The following SDCCAG8 variants were observed in gnomAD, a reference collection of about 807,000 sequenced individuals.
SDCCAG8 encodes the protein SHH signaling and ciliogenesis regulator SDCCAG8, also known as serologically defined colon cancer antigen 8.
In SDCCAG8, 74 loss-of-function variants were observed where a neutral mutation model predicts 101.8. That is an observed-to-expected ratio of 0.73 (90% CI 0.60 to 0.88). SDCCAG8 has a LOEUF of 0.88. SDCCAG8 is among the 40% of genes least tolerant of loss of function. The pLI is 0.00. For missense variants in SDCCAG8, 787 were observed against 822.6 expected (o/e 0.96, Z 0.53); for synonymous variants, 281 against 292.9 (o/e 0.96, Z 0.41).
intron 15 of SDCCAG8, among the ~76,000 whole-genome samples, chr1:243,425,683 G>T (rs2081293647): frequency 6.6e-6 from 1 of 152,126 alleles, no homozygotes; most frequent in Admixed American, 6.6e-5. Flanking sequence ...CTTAATACAA[G>T]GAAAGGAATA....
rs146987857 is a variant in SDCCAG8, at chr1:243,427,577, T to C, written c.1985+1019T>C. Among the ~76,000 whole-genome samples the C allele has an allele frequency of 1.4e-4, 22 of 152,198 alleles. No homozygotes were observed. The East Asian group carries it at 4.2e-3, about 29-fold the overall frequency. ...GCATCCCCACACCATTTCCCAGCCA[T>C]CCATGCCTTCTCTGTTTCAAAAACA... On this transcript the variant is annotated intron_variant, in intron 16 of 17. Coordinates refer to ENST00000366541, the MANE Select transcript of SDCCAG8 (RefSeq NM_006642.5).
intron 13 of SDCCAG8, among the ~76,000 whole-genome samples, chr1:243,383,219 G>T (rs1373670209): frequency 6.6e-6 from 1 of 152,182 alleles, no homozygotes; most frequent in Non-Finnish European, 1.5e-5. Flanking sequence ...TTTTCAGGGG[G>T]CAGTAACAAT....
At chr1:243,483,809 C>T (rs1664253689) in intron 16 of SDCCAG8, among the ~76,000 whole-genome samples, 1 of 152,230 alleles carries the variant, frequency 6.6e-6, no homozygotes, top group Admixed American at 6.5e-5. Context: ...CACTGCCAGC[C>T]ATTGAAGGCG....
chr1:243,430,227 C>G (rs2148054525), intron 16 of SDCCAG8, among the ~76,000 whole-genome samples: 1 of 152,218 alleles, frequency 6.6e-6, no homozygotes, highest in East Asian at 1.9e-4. Flanking sequence ...GGCAAACTAT[C>G]TGGCCCTCTC....
chr1:243,475,120 GC>G (rs1438862611), intron 16 of SDCCAG8, among the ~76,000 whole-genome samples: 1 of 152,052 alleles, frequency 6.6e-6, no homozygotes, highest in African/African-American at 2.4e-5. Flanking sequence ...CTGTCCTGCA[GC>G]CCCTCCCGGA....
intron 13 of SDCCAG8, among the ~76,000 whole-genome samples, chr1:243,387,189 G>A (rs967872794): frequency 5.3e-5 from 8 of 152,076 alleles, no homozygotes; most frequent in Non-Finnish European, 8.8e-5. Flanking sequence ...ACTTCTTACC[G>A]TTTATGTGAT....
chr1:243,312,648 G>T (rs1193115507), intron 8 of SDCCAG8, among the ~76,000 whole-genome samples: 2 of 151,094 alleles, frequency 1.3e-5, no homozygotes, highest in African/African-American at 2.4e-5. Context: ...GGAGGTTGCA[G>T]TGAGCCAAGA....
Position 243,378,767 on chromosome 1 carries a change from T to C in SDCCAG8, c.1520T>C (p.Leu507Ser), listed in dbSNP as rs1429020259. The C allele has an allele frequency of 1.2e-6, 2 of 1,613,946 alleles. No homozygotes were observed. The highest frequency in any genetic ancestry group is 1.7e-6 in the Non-Finnish European group (2 of 1,179,966). The change falls in exon 13 of 18, where the codon TTG becomes TCG. Residue 507 changes from leucine to serine, a missense_variant. Physicochemically the swap from Leu to Ser is moderately radical, Grantham distance 145. Coordinates refer to ENST00000366541, the MANE Select transcript of SDCCAG8 (RefSeq NM_006642.5). ...RIELDESKQHLEQEQQKAALA... is the reference protein window; with the variant it reads ...RIELDESKQHSEQEQQKAALA... ...GAACTGGATGAAAGCAAACAACACT[T>C]GGAACAGGAGCAGCAGAAGGCAGCC...
chr1:243,477,389 T>A (rs566300890), intron 16 of SDCCAG8, among the ~76,000 whole-genome samples: 7 of 152,332 alleles, frequency 4.6e-5, no homozygotes, highest in East Asian at 1.9e-4. Flanking sequence ...ACAAAGCTGA[T>A]TAAGGTAACT....
chr1:243,456,219 C>T (rs2083741791), intron 16 of SDCCAG8, among the ~76,000 whole-genome samples: 1 of 152,298 alleles, frequency 6.6e-6, no homozygotes, highest in Non-Finnish European at 1.5e-5. Context: ...GAAAGCCTGA[C>T]ATAATTAGGT....
At chr1:243,384,775 T>G (rs2078172074) in intron 13 of SDCCAG8, among the ~76,000 whole-genome samples, 1 of 151,654 alleles carries the variant, frequency 6.6e-6, no homozygotes, top group African/African-American at 2.4e-5. Flanking sequence ...TGACCGCATC[T>G]CTGGGGGAAA....
At chr1:243,439,656 A>ACACACT (rs2082397578) in intron 16 of SDCCAG8, among the ~76,000 whole-genome samples, 1 of 151,510 alleles carries the variant, frequency 6.6e-6, no homozygotes, top group Non-Finnish European at 1.5e-5. Context: ...ACACACACAC[A>ACACACT]CACACACACA....
At position 243,304,719 on chromosome 1, in the gene SDCCAG8, C is replaced by A; in HGVS notation, c.682C>A (p.Leu228Ile). 6.4e-7 allele frequency: 1 copy of A among 1,565,062 alleles called. No individual in the cohort carries two copies. Among genetic ancestry groups the A allele is most frequent in the Non-Finnish European group, 8.8e-7 (1 of 1,135,810 alleles). The part of the protein sequence containing the change: ...SAGEQLELEK[L>I]KLTYEEKCEI... Reference sequence around the variant, plus strand: ...CTATTTTTCTTTTCTATAGGAGAAGCTAAAACTTACTTATGAGGAAAAGTG... The same window carrying A: ...CTATTTTTCTTTTCTATAGGAGAAGATAAAACTTACTTATGAGGAAAAGTG... Residue 228 changes from leucine (L) to isoleucine (I), a missense_variant, in exon 7 of 18, where the codon CTA (leucine) becomes ATA (isoleucine). Coordinates refer to ENST00000366541, the MANE Select transcript of SDCCAG8 (RefSeq NM_006642.5).
At chr1:243,426,397 C>T in intron 15 of SDCCAG8, 30 bp from the exon 16 acceptor site, 1 of 1,594,556 alleles carries the variant, frequency 6.3e-7, no homozygotes, top group Non-Finnish European at 8.6e-7. Context: ...GAACTTCTAA[C>T]ATCTATTATT....
intron 6 of SDCCAG8, among the ~76,000 whole-genome samples, chr1:243,303,557 GA>G: frequency 6.6e-6 from 1 of 152,110 alleles, no homozygotes; most frequent in Non-Finnish European, 1.5e-5. Context: ...ATGGTAGGGT[GA>G]AGGCCTTTAT....
At chr1:243,330,991 G>A (rs2074550208) in intron 10 of SDCCAG8, among the ~76,000 whole-genome samples, 1 of 152,146 alleles carries the variant, frequency 6.6e-6, no homozygotes, top group South Asian at 2.1e-4. Context: ...GTTTCCCAGA[G>A]TCGTGCTATG....
chr1:243,378,270 A>AT, intron 12 of SDCCAG8, among the ~76,000 whole-genome samples: 1 of 150,566 alleles, frequency 6.6e-6, no homozygotes, highest in Non-Finnish European at 1.5e-5. Flanking sequence ...TCTCTTATTT[A>AT]TTTTACCTTT....
chr1:243,291,049 G>C (rs755216491), intron 5 of SDCCAG8, among the ~76,000 whole-genome samples: 1 of 152,124 alleles, frequency 6.6e-6, no homozygotes, highest in East Asian at 1.9e-4. Context: ...ATATAAAATA[G>C]ACTGTCAGAG....
chr1:243,476,005 C>A (rs764381969), intron 16 of SDCCAG8: 22 of 985,442 alleles, frequency 2.2e-5, no homozygotes, highest in Non-Finnish European at 2.5e-5. Flanking sequence ...CTCCAGCAGG[C>A]CTAATCACTC....
Sources: allele counts gnomAD v4.1 joint callset (sites outside exome capture counted in the v4.1 genomes callset), GRCh38; gene constraint gnomAD v4.1.1; transcripts MANE v1.5; gene names NCBI Gene and HGNC (gene_info 2026-07-23, HGNC 2026-07-21).